Variants in RBMS3 observed in about 807,000 individuals in gnomAD.
RBMS3 encodes the protein RNA-binding motif, single-stranded-interacting protein 3.
A neutral mutation model predicts 66.8 loss-of-function variants in RBMS3; 27 were observed. The ratio of observed to expected loss-of-function variants is 0.40; its 90% CI spans 0.30 to 0.56. The LOEUF is 0.56. RBMS3 is among the 20% of genes least tolerant of loss of function. RBMS3 has a pLI of 0.40. For synonymous variants in RBMS3, 188 were observed against 183.0 expected (o/e 1.03, Z -0.22); for missense variants, 513 against 549.5 (o/e 0.93, Z 0.66).
At chr3:29,574,199 C>T (rs984968420) in intron 3 of RBMS3, among the ~76,000 whole-genome samples, 1 of 152,226 alleles carries the variant, frequency 6.6e-6, no homozygotes, top group Non-Finnish European at 1.5e-5. Context: ...CTACCTTTCT[C>T]TTTAGCTCTA....
At chr3:29,665,086 T>C (rs1029175530) in intron 4 of RBMS3, among the ~76,000 whole-genome samples, 2 of 152,192 alleles carry the variant, frequency 1.3e-5, no homozygotes, top group African/African-American at 4.8e-5. Context: ...GTGTATATAA[T>C]AAATAATGAA....
intron 3 of RBMS3, among the ~76,000 whole-genome samples, chr3:29,523,183 A>G (rs2044934875): frequency 6.6e-6 from 1 of 152,154 alleles, no homozygotes; most frequent in South Asian, 2.1e-4. Context: ...CGATTCTCCT[A>G]ACCACTACCC....
At position 29,655,130 on chromosome 3, in the gene RBMS3, C is replaced by T. The variant is rs6795382; in HGVS notation, c.399+67925C>T. 9.8e-4 allele frequency among the ~76,000 whole-genome samples: 149 copies of T among 152,034 alleles called. 1 individual carries two copies. Among genetic ancestry groups the T allele is most frequent in the African/African-American group, 3.4e-3 (142 of 41,448 alleles). On this transcript the variant is annotated intron_variant, in intron 4 of 14. Coordinates refer to ENST00000383767, the MANE Select transcript of RBMS3 (RefSeq NM_001003793.3). ...AGAACATTTATTTTTTGCCTTCAAA[C>T]GACCAAGGATTGTGGTGCATGTGAA...
At chr3:29,587,323 A>C in intron 4 of RBMS3, 118 bp downstream of exon 4, 1 of 584,898 alleles carries the variant, frequency 1.7e-6, no homozygotes, top group Non-Finnish European at 2.6e-6. Flanking sequence ...GGAGAGATTA[A>C]ATATTTCTCC....
chr3:29,944,131 C>A (rs1401960007), intron 11 of RBMS3, 76 bp from the exon 12 acceptor site: 8 of 1,347,194 alleles, frequency 5.9e-6, no homozygotes, highest in Non-Finnish European at 8.4e-6. Context: ...CGGACTCTTC[C>A]ACGTGTTAGG....
At chr3:29,749,929 T>TA (rs1309378584) in intron 5 of RBMS3, among the ~76,000 whole-genome samples, 3 of 152,182 alleles carry the variant, frequency 2.0e-5, no homozygotes, top group African/African-American at 7.2e-5. Flanking sequence ...TACTCATTAT[T>TA]AGTTTCCATA....
chr3:29,837,663 C>CATATATATATATATATAT (rs3070797), intron 6 of RBMS3, among the ~76,000 whole-genome samples: 6 of 67,662 alleles, frequency 8.9e-5, no homozygotes, highest in Non-Finnish European at 1.7e-4. Flanking sequence ...ATATAATGAA[C>CATATATATATATATATAT]ATATATATAT....
In RBMS3 at chr3:29,635,336, C is replaced by T. The variant is rs150520882; in HGVS notation, c.399+48131C>T. 3.0e-4 allele frequency among the ~76,000 whole-genome samples: 45 copies of T among 152,018 alleles called. 1 individual carries two copies. In the East Asian group the frequency reaches 8.5e-3, roughly 29 times the overall value. The stretch of plus-strand genomic sequence containing the variant: ...AACCTGCTCTTTCTGCAGCCTTCCC[C>T]ATCTCAGTTGATGGCAGTACCATCC... On this transcript the variant is annotated intron_variant, in intron 4 of 14. Coordinates refer to ENST00000383767, the MANE Select transcript of RBMS3 (RefSeq NM_001003793.3).
chr3:29,783,846 G>A (rs2056726878), intron 6 of RBMS3, among the ~76,000 whole-genome samples: 1 of 152,016 alleles, frequency 6.6e-6, no homozygotes. Context: ...GTAAAGGGAT[G>A]GAAAATTATG....
At chr3:29,786,746 T>C (rs2056834212) in intron 6 of RBMS3, among the ~76,000 whole-genome samples, 1 of 152,098 alleles carries the variant, frequency 6.6e-6, no homozygotes, top group Non-Finnish European at 1.5e-5. Flanking sequence ...TTCTAGAAGA[T>C]AACATCAGAA....
At chr3:29,579,759 T>C (rs1254605122) in intron 3 of RBMS3, among the ~76,000 whole-genome samples, 1 of 152,182 alleles carries the variant, frequency 6.6e-6, no homozygotes, top group Non-Finnish European at 1.5e-5. Context: ...CTTTGCTAGA[T>C]GGTTCCCAGA....
intron 2 of RBMS3, among the ~76,000 whole-genome samples, chr3:29,452,363 C>A (rs1326618933): frequency 1.3e-5 from 2 of 152,112 alleles, no homozygotes; most frequent in Non-Finnish European, 2.9e-5. Flanking sequence ...TACCTGCCTC[C>A]TTTTTTTGGA....
intron 6 of RBMS3, among the ~76,000 whole-genome samples, chr3:29,811,853 C>T (rs2057738448): frequency 6.6e-6 from 1 of 152,152 alleles, no homozygotes; most frequent in Non-Finnish European, 1.5e-5. Flanking sequence ...GGTTGAGGAG[C>T]TAACCATGGT....
At chr3:29,644,884 A>G (rs182884832) in intron 4 of RBMS3, among the ~76,000 whole-genome samples, 23 of 152,316 alleles carry the variant, frequency 1.5e-4, no homozygotes, top group Admixed American at 1.1e-3. Context: ...AAATATGTCA[A>G]TAGTACATCA....
In RBMS3 at chr3:29,803,948, T is replaced by C. The variant is rs117760744; in HGVS notation, c.637+40959T>C. ...TGCAAAGTAGGCTATTTCATTCTTC[T>C]ATCTGTATTTTTTTCTAAACTGCTT... On this transcript the variant is annotated intron_variant, in intron 6 of 14. Coordinates refer to ENST00000383767, the MANE Select transcript of RBMS3 (RefSeq NM_001003793.3). Among the ~76,000 whole-genome samples the C allele has an allele frequency of 3.5e-4, 53 of 152,202 alleles. 2 individuals carry two copies. The East Asian group carries it at 0.01, about 29-fold the overall frequency.
chr3:29,868,934 G>T lies in RBMS3; in HGVS notation c.714G>T (p.Gln238His), dbSNP rs1162319448. 1.9e-6 allele frequency: 3 copies of T among 1,601,590 alleles called. No homozygotes were observed. The highest frequency in any genetic ancestry group is 3.4e-5 in the Admixed American group (2 of 58,660). ...KKRQNQSKYTQNGRPWPREGE... is the reference protein window; with the variant it reads ...KKRQNQSKYTHNGRPWPREGE... ...GACAGAATCAAAGCAAATATACCCA[G>T]AATGGGAGGCCTTGGCCCAGGGAAG... Residue 238 changes from glutamine (Q) to histidine (H), a missense_variant, in exon 7 of 15, where the codon CAG becomes CAT. Transcript: ENST00000383767.
At chr3:29,475,312 G>A (rs1469431999) in intron 2 of RBMS3, among the ~76,000 whole-genome samples, 4 of 150,372 alleles carry the variant, frequency 2.7e-5, no homozygotes, top group Non-Finnish European at 5.9e-5. Context: ...GCAATGGCGT[G>A]ATCTTGTCTC....
At chr3:29,742,547 C>A (rs1263441540) in intron 5 of RBMS3, among the ~76,000 whole-genome samples, 1 of 152,180 alleles carries the variant, frequency 6.6e-6, no homozygotes, top group African/African-American at 2.4e-5. Context: ...GCTTAAACAT[C>A]TTTTCTTCAA....
intron 4 of RBMS3, among the ~76,000 whole-genome samples, chr3:29,715,215 G>T (rs1174409114): frequency 6.6e-6 from 1 of 151,980 alleles, no homozygotes; most frequent in Non-Finnish European, 1.5e-5. Flanking sequence ...GAAATCCAGG[G>T]GCTACCTCAG....
Sources: allele counts gnomAD v4.1 joint callset (sites outside exome capture counted in the v4.1 genomes callset), GRCh38; gene constraint gnomAD v4.1.1; transcripts MANE v1.5; gene names NCBI Gene and HGNC (gene_info 2026-07-23, HGNC 2026-07-21).